The following PUDP variants were observed in gnomAD, a reference collection of about 807,000 sequenced individuals.
PUDP encodes pseudouridine 5'-phosphatase.
PUDP carries 8 observed loss-of-function variants against 9.4 expected under a neutral mutation model. The ratio of observed to expected loss-of-function variants is 0.85; its 90% confidence interval spans 0.50 to 1.53. The LOEUF (loss-of-function observed/expected upper bound fraction) is 1.53. Ranked by LOEUF, PUDP falls within the 40% of genes most tolerant of loss-of-function variation. The pLI is 0.00. For synonymous variants in PUDP, 99 were observed against 80.7 expected, an observed-to-expected ratio of 1.23 and a Z score of -1.22; for missense variants, 188 against 189.7, an observed-to-expected ratio of 0.99 and a Z score of 0.05.
chrX:6,947,775 A>AAAAT lies in PUDP; in HGVS notation c.*247+29354_*247+29357dup, dbSNP rs200121266. On this transcript the variant is annotated intron_variant and NMD_transcript_variant, in intron 3 of 3. Transcript: ENST00000655425. ...CCAGACGTAGTGAGACCCTGTCTCA[A>AAAAT]AAATAAATAAATAAATAAATAAATA... Among the ~76,000 whole-genome samples, 552 of 96,904 alleles carry AAAAT rather than the reference A, an allele frequency of 5.7e-3. 3 individuals are homozygous for AAAAT. Among genetic ancestry groups the AAAAT allele is most frequent in the African/African-American group, 0.015 (386 of 26,524 alleles). 84.1% of individuals were successfully genotyped at this position (96,904 alleles called of 115,157 possible).
At position 6,771,074 on chromosome X, in the gene PUDP, T is replaced by C. The variant is rs754772637; in HGVS notation, c.*248-64608A>G. ...AAACTCCTCAGTCAGGAATGTAAAA[T>C]CTGCCCCCATTCAAGTTCATTCCTA... On this transcript the variant is annotated intron_variant and NMD_transcript_variant, in intron 3 of 3. Transcript: ENST00000655425. Among the ~76,000 whole-genome samples the C allele has an allele frequency of 8.0e-5, 9 of 111,838 alleles. No individual in the cohort carries two copies. In the East Asian group the frequency reaches 2.5e-3, roughly 32 times the overall value.
chrX:7,110,092 C>A (rs961665199), intron 1 of PUDP, among the ~76,000 whole-genome samples: 37 of 112,056 alleles, frequency 3.3e-4, no homozygotes, highest in Non-Finnish European at 5.8e-4. Flanking sequence ...GAAGAAGCTA[C>A]AGGGTGCCCC....
intron 3 of PUDP, among the ~76,000 whole-genome samples, chrX:6,729,933 C>T (rs1373032522): frequency 8.9e-6 from 1 of 111,986 alleles, no homozygotes; most frequent in African/African-American, 3.2e-5. Context: ...AAAAGGATAC[C>T]GGGGCAGGAC....
chrX:6,933,093 T>G (rs1928227282), intron 3 of PUDP, among the ~76,000 whole-genome samples: 1 of 110,558 alleles, frequency 9.0e-6, no homozygotes, highest in Admixed American at 9.7e-5. Context: ...TAAATGTCCC[T>G]GTCTGGCAGC....
chrX:7,131,350 A>G (rs1932615231), intron 1 of PUDP, among the ~76,000 whole-genome samples: 1 of 110,808 alleles, frequency 9.0e-6, no homozygotes, highest in Non-Finnish European at 1.9e-5. Context: ...GGGCCCGAGA[A>G]TCGGACCTTA....
chrX:6,716,682 G>C (rs771254422), intron 1 of PUDP, among the ~76,000 whole-genome samples: 1 of 110,182 alleles, frequency 9.1e-6, no homozygotes, highest in African/African-American at 3.3e-5. Context: ...GCCCAGGCTG[G>C]AGTGCAGTGG....
chrX:7,002,508 C>A (rs1929340743), intron 1 of PUDP, among the ~76,000 whole-genome samples: 1 of 111,588 alleles, frequency 9.0e-6, no homozygotes, highest in South Asian at 3.7e-4. Flanking sequence ...TGTGAGTAAC[C>A]CAACCTTTTG....
At chrX:6,853,695 T>C (rs1410005727) in intron 3 of PUDP, among the ~76,000 whole-genome samples, 1 of 111,861 alleles carries the variant, frequency 8.9e-6, no homozygotes, top group Non-Finnish European at 1.9e-5. Context: ...TTGTCAATTA[T>C]AGATATTTCA....
intron 1 of PUDP, among the ~76,000 whole-genome samples, chrX:6,720,506 G>C (rs1405071559): frequency 9.5e-6 from 1 of 105,486 alleles, no homozygotes; most frequent in South Asian, 4.3e-4. Context: ...GCTGGGGAGT[G>C]GGGGACACTG....
At chrX:7,063,811 A>G (rs1009640458) in intron 3 of PUDP, among the ~76,000 whole-genome samples, 6 of 110,845 alleles carry the variant, frequency 5.4e-5, no homozygotes, top group Non-Finnish European at 1.1e-4. Flanking sequence ...TGCCCGGCTA[A>G]TTTCTTTTTG....
intron 3 of PUDP, among the ~76,000 whole-genome samples, chrX:6,926,037 G>A (rs146391554): frequency 0.016 from 1,836 of 111,420 alleles, 41 homozygotes; most frequent in African/African-American, 0.055. Flanking sequence ...CCCCAAAAGG[G>A]AGAGGATATA....
At chrX:7,079,645 G>A (rs1465599284) in intron 2 of PUDP, among the ~76,000 whole-genome samples, 1 of 112,713 alleles carries the variant, frequency 8.9e-6, no homozygotes, top group Non-Finnish European at 1.9e-5. Context: ...AATTAAAATA[G>A]ACATTAATAA....
intron 3 of PUDP, among the ~76,000 whole-genome samples, chrX:6,926,227 C>T (rs1292331798): frequency 9.0e-6 from 1 of 111,526 alleles, no homozygotes; most frequent in African/African-American, 3.3e-5. Flanking sequence ...TGGTACTGTG[C>T]GTTAAGACAA....
intron 2 of PUDP, among the ~76,000 whole-genome samples, chrX:7,086,214 T>C (rs1226492096): frequency 1.8e-5 from 2 of 112,009 alleles, no homozygotes; most frequent in South Asian, 3.7e-4. Context: ...TAGTATATTA[T>C]GGAAGAAAAT....
At chrX:6,905,484 C>A (rs1238020599) in intron 3 of PUDP, among the ~76,000 whole-genome samples, 1 of 112,068 alleles carries the variant, frequency 8.9e-6, no homozygotes, top group Non-Finnish European at 1.9e-5. Flanking sequence ...CAAGGCAAGT[C>A]TTCACAAGGT....
At chrX:7,031,885 A>G (rs1333023990) in intron 1 of PUDP, among the ~76,000 whole-genome samples, 5 of 112,123 alleles carry the variant, frequency 4.5e-5, no homozygotes, top group African/African-American at 1.6e-4. Context: ...CCTTCTACAA[A>G]TACCTGGCAC....
chrX:6,800,230 C>T (rs1925910487), intron 3 of PUDP, among the ~76,000 whole-genome samples: 1 of 111,785 alleles, frequency 8.9e-6, no homozygotes, highest in African/African-American at 3.3e-5. Context: ...TGATATAGTC[C>T]TCCTCAGTCC....
upstream of PUDP, among the ~76,000 whole-genome samples, chrX:6,724,501 C>CAAAAAAA: frequency 2.2e-5 from 1 of 45,446 alleles, no homozygotes; most frequent in East Asian, 8.2e-4. Flanking sequence ...ATTCTCTCTC[C>CAAAAAAA]AAAAAAAAAA....
At chrX:7,123,478 C>A (rs1342107629) in intron 1 of PUDP, among the ~76,000 whole-genome samples, 5 of 111,800 alleles carry the variant, frequency 4.5e-5, no homozygotes, top group African/African-American at 1.6e-4. Context: ...AATAAGGTAA[C>A]AAGAAGACTT....
Sources: allele counts gnomAD v4.1 joint callset (sites outside exome capture counted in the v4.1 genomes callset), GRCh38; gene constraint gnomAD v4.1.1; transcripts MANE v1.5; gene names NCBI Gene and HGNC (gene_info 2026-07-23, HGNC 2026-07-21).